The following RNF220 variants were observed in gnomAD, a reference collection of about 807,000 sequenced individuals.
The protein encoded by RNF220 is E3 ubiquitin-protein ligase RNF220.
In RNF220, 7 loss-of-function variants were observed where a neutral mutation model predicts 67.1. The ratio of observed to expected loss-of-function variants is 0.10; its 90% CI spans 0.06 to 0.20. The LOEUF (loss-of-function observed/expected upper bound fraction) is 0.20. Ranked by LOEUF, RNF220 falls within the 10% of genes least tolerant of loss-of-function variation. RNF220 has a pLI of 1.00. For missense variants in RNF220, 565 were observed against 740.3 expected, an observed-to-expected ratio of 0.76 and a Z score of 2.75; for synonymous variants, 270 against 283.2, an observed-to-expected ratio of 0.95 and a Z score of 0.47.
rs56409207 is a variant in RNF220 at position 44,527,925 on chromosome 1, C to CAAAAAAAAAAAAAAA, written c.626-86228_626-86214dup. Among the ~76,000 whole-genome samples, 58 of 56,182 alleles carry CAAAAAAAAAAAAAAA rather than the reference C, an allele frequency of 1.0e-3. 20 individuals carry two copies. Among genetic ancestry groups the CAAAAAAAAAAAAAAA allele is most frequent in the African/African-American group, 1.9e-3 (19 of 9,844 alleles). 36.9% of individuals were successfully genotyped at this position (56,182 alleles called of 152,430 possible). A position where few individuals can be genotyped will look rare whatever the true frequency, so the allele number is the denominator to read the frequency against. ...TGGGTGACAGAGCAAGACTCCATCC[C>CAAAAAAAAAAAAAAA]AAAAAAAAAAAAAAAAAAAAAAAAA... On this transcript the variant is annotated intron_variant, in intron 2 of 14. Coordinates refer to ENST00000361799, the MANE Select transcript of RNF220 (RefSeq NM_018150.4).
intron 1 of RNF220, among the ~76,000 whole-genome samples, chr1:44,409,267 A>G (rs1647727103): frequency 6.6e-6 from 1 of 152,214 alleles, no homozygotes; most frequent in African/African-American, 2.4e-5. Context: ...TTTTAACTCA[A>G]TATTTGTTGG....
intron 2 of RNF220, among the ~76,000 whole-genome samples, chr1:44,511,595 A>G (rs1159935755): frequency 6.6e-6 from 1 of 152,258 alleles, no homozygotes; most frequent in Non-Finnish European, 1.5e-5. Flanking sequence ...GAAAGCAGGT[A>G]GGAGAATACT....
Position 44,645,323 on chromosome 1 carries a change from C to A in RNF220, c.1366+47C>A. The A allele has an allele frequency of 1.2e-6, 2 of 1,613,366 alleles. No individual in the cohort carries two copies. Among genetic ancestry groups the A allele is most frequent in the Non-Finnish European group, 1.7e-6 (2 of 1,179,382 alleles). On this transcript the variant is annotated intron_variant, in intron 11 of 14. Transcript: ENST00000361799. The surrounding 1 kb of genome is among the most constrained non-coding windows in gnomAD (Gnocchi z 5.0). ...GAGTAATGGGGGAGAGGGGGTATCCCTAGATGGTGGTGACTGACTCAAGCC... is the reference window on the plus strand; with the variant it reads ...GAGTAATGGGGGAGAGGGGGTATCCATAGATGGTGGTGACTGACTCAAGCC...
chr1:44,423,412 G>A, intron 2 of RNF220, among the ~76,000 whole-genome samples: 1 of 152,176 alleles, frequency 6.6e-6, no homozygotes, highest in East Asian at 1.9e-4. Context: ...AGGCATTCTT[G>A]AGAATATCCA....
Position 44,442,446 on chromosome 1 carries a change from A to G in RNF220, c.625+29724A>G, listed in dbSNP as rs552990290. ...GTGTGAGCCACCGTGCCCAGCCTGCATATTATCTTAAAAAGAGTCCAAAGG... is the reference window on the plus strand; with the variant it reads ...GTGTGAGCCACCGTGCCCAGCCTGCGTATTATCTTAAAAAGAGTCCAAAGG... On this transcript the variant is annotated intron_variant, in intron 2 of 14. Transcript: ENST00000361799. Among the ~76,000 whole-genome samples the G allele has an allele frequency of 2.6e-5, 4 of 150,956 alleles. No individual in the cohort carries two copies. The South Asian group carries it at 8.4e-4, about 32-fold the overall frequency.
chr1:44,474,499 A>G (rs1282694974), intron 2 of RNF220, among the ~76,000 whole-genome samples: 2 of 151,912 alleles, frequency 1.3e-5, no homozygotes, highest in East Asian at 1.9e-4. Context: ...GCTTAAGACC[A>G]GGAATTCAAG....
At chr1:44,406,858 C>G (rs1245753130) in intron 1 of RNF220, among the ~76,000 whole-genome samples, 1 of 152,264 alleles carries the variant, frequency 6.6e-6, no homozygotes, top group Non-Finnish European at 1.5e-5. Flanking sequence ...AGGGGATGCC[C>G]GGTTCATCCC....
At chr1:44,619,662 G>A (rs1174115948) in intron 3 of RNF220, among the ~76,000 whole-genome samples, 3 of 152,314 alleles carry the variant, frequency 2.0e-5, no homozygotes, top group Admixed American at 6.5e-5. Context: ...ACTAGGCAGC[G>A]AGTGACTGAG....
At chr1:44,616,160 T>C (rs1444459060) in intron 3 of RNF220, among the ~76,000 whole-genome samples, 1 of 152,208 alleles carries the variant, frequency 6.6e-6, no homozygotes, top group Non-Finnish European at 1.5e-5. Context: ...ACAGTGCTTC[T>C]TATGATCTAG....
chr1:44,479,117 AT>A (rs556142473), intron 2 of RNF220, among the ~76,000 whole-genome samples: 17,893 of 135,778 alleles, frequency 0.13, 2,497 homozygotes, highest in African/African-American at 0.36. Flanking sequence ...AACTTTGTGG[AT>A]TTTTTTTTTT....
chr1:44,646,710 G>C (rs1389728789), intron 12 of RNF220, among the ~76,000 whole-genome samples: 1 of 152,140 alleles, frequency 6.6e-6, no homozygotes, highest in African/African-American at 2.4e-5. Context: ...CCCAAGGCTG[G>C]GGGGAGCCAG....
chr1:44,503,922 T>G (rs988954359), intron 2 of RNF220, among the ~76,000 whole-genome samples: 2 of 152,078 alleles, frequency 1.3e-5, no homozygotes, highest in South Asian at 2.1e-4. Context: ...CAGTCTCGGC[T>G]CACTACAACC....
At chr1:44,541,719 C>A (rs987842213) in intron 2 of RNF220, among the ~76,000 whole-genome samples, 1 of 152,300 alleles carries the variant, frequency 6.6e-6, no homozygotes, top group East Asian at 1.9e-4. Context: ...CAGCCCAGGG[C>A]GCTGCAGAGC....
rs537923520 is a variant in RNF220, at chr1:44,435,204, G to A, written c.625+22482G>A. On this transcript the variant is annotated intron_variant, in intron 2 of 14. Coordinates refer to ENST00000361799, the MANE Select transcript of RNF220 (RefSeq NM_018150.4). ...AGTGCGACATGCTGAGCAACATGGT[G>A]CTAGTCCAAGAACATTGACTTTGGA... Among the ~76,000 whole-genome samples, 27 of 152,234 alleles carry A rather than the reference G, an allele frequency of 1.8e-4. No individual in the cohort carries two copies. In the East Asian group the frequency reaches 5.2e-3, roughly 29 times the overall value.
intron 2 of RNF220, among the ~76,000 whole-genome samples, chr1:44,461,920 C>CTTTTT (rs1445179984): frequency 0.011 from 1,310 of 117,692 alleles, 55 homozygotes; most frequent in African/African-American, 0.042. Flanking sequence ...TTTCTTTTTT[C>CTTTTT]TTTGTTTTTT....
chr1:44,450,909 C>T (rs377637856), intron 2 of RNF220, among the ~76,000 whole-genome samples: 26 of 152,234 alleles, frequency 1.7e-4, no homozygotes, highest in East Asian at 9.6e-4. Flanking sequence ...CTTGGCCCCA[C>T]GTGGTGGCTC....
chr1:44,459,166 C>T (rs17385547), intron 2 of RNF220, among the ~76,000 whole-genome samples: 24,775 of 151,612 alleles, frequency 0.16, 2,444 homozygotes, highest in Middle Eastern at 0.23. Flanking sequence ...TGACTTTTAC[C>T]ATGGTGATTC....
intron 2 of RNF220, among the ~76,000 whole-genome samples, chr1:44,554,827 T>A (rs1662942132): frequency 6.6e-6 from 1 of 152,092 alleles, no homozygotes; most frequent in African/African-American, 2.4e-5. Context: ...TTTGGTCTCT[T>A]CCTTTTTATC....
Position 44,614,187 on chromosome 1 carries a change from G to A in RNF220, c.648G>A (p.Leu216=), listed in dbSNP as rs202033061. The A allele has an allele frequency of 8.8e-4, 1,415 of 1,614,200 alleles. 23 individuals carry two copies. The South Asian group carries it at 0.013, about 14-fold the overall frequency. Residue 216 remains leucine (L), a synonymous_variant, in exon 3 of 15, where the codon TTG becomes TTA. Transcript: ENST00000361799. ...TAGGTAAGAAGAAAGCAGCGGCATT[G>A]TTCGACAGCCAGGCCCCAATTTGCC... ...NDRCKKKAAA[L]FDSQAPICPI... is the part of the protein sequence containing the mutation.
Sources: allele counts gnomAD v4.1 joint callset (sites outside exome capture counted in the v4.1 genomes callset), GRCh38; gene constraint gnomAD v4.1.1; non-coding constraint Gnocchi (gnomAD v3.1); transcripts MANE v1.5; gene names NCBI Gene and HGNC (gene_info 2026-07-23, HGNC 2026-07-21).